Variants in CMTM8 observed in about 807,000 individuals in gnomAD.
CMTM8 encodes CKLF-like MARVEL transmembrane domain-containing protein 8.
Under a neutral mutation model 18.6 loss-of-function variants are expected in CMTM8, and 12 were observed. That is an observed-to-expected ratio of 0.65 (90% confidence interval 0.41 to 1.05). The LOEUF (loss-of-function observed/expected upper bound fraction) is 1.05. Among genes scored for constraint, CMTM8 ranks in the 50% least tolerant of loss-of-function variants. The pLI is 0.00. For synonymous variants in CMTM8, 87 were observed against 90.6 expected (o/e 0.96, Z 0.23); for missense variants, 217 against 227.2 (o/e 0.95, Z 0.29).
At chr3:32,255,691 T>C (rs112452211) in intron 1 of CMTM8, among the ~76,000 whole-genome samples, 3 of 152,252 alleles carry the variant, frequency 2.0e-5, no homozygotes, top group African/African-American at 4.8e-5. Flanking sequence ...AAGCTATAGA[T>C]CTCAAAATTT....
intron 1 of CMTM8, among the ~76,000 whole-genome samples, chr3:32,321,109 C>G (rs1049323587): frequency 6.6e-6 from 1 of 151,924 alleles, no homozygotes; most frequent in East Asian, 1.9e-4. Context: ...TTTATTTATA[C>G]GACCCATCAA....
At chr3:32,257,449 T>A (rs1217461353) in intron 1 of CMTM8, among the ~76,000 whole-genome samples, 9 of 152,212 alleles carry the variant, frequency 5.9e-5, no homozygotes, top group African/African-American at 2.2e-4. Flanking sequence ...CTGTCTTCAA[T>A]ATCTCCTAAT....
chr3:32,295,455 C>CAAAAAAAAAAAAAAAAAAAAAAAAA (rs1400148634), intron 1 of CMTM8, among the ~76,000 whole-genome samples: 2 of 27,548 alleles, frequency 7.3e-5, no homozygotes, highest in Non-Finnish European at 6.5e-5. Context: ...GACTCCATCT[C>CAAAAAAAAAAAAAAAAAAAAAAAAA]AAAAAAAAAA....
At chr3:32,255,406 T>C (rs918639887) in intron 1 of CMTM8, among the ~76,000 whole-genome samples, 2 of 152,198 alleles carry the variant, frequency 1.3e-5, no homozygotes, top group Non-Finnish European at 2.9e-5. Flanking sequence ...TAAAAAATGA[T>C]TTCTTAGGAA....
chr3:32,251,023 A>G (rs950956916), intron 1 of CMTM8, among the ~76,000 whole-genome samples: 1 of 152,220 alleles, frequency 6.6e-6, no homozygotes, highest in African/African-American at 2.4e-5. Flanking sequence ...AGTTATACAA[A>G]AAAGTTCATA....
rs1697082622 is a variant in CMTM8 at position 32,368,301 on chromosome 3, G to C, written c.438+313G>C. ...GCCTATAATTTAGTAAGTGGGGGAAGGTTGCAGAAAATGAACAGAATATAA... is the reference window on the plus strand; with the variant it reads ...GCCTATAATTTAGTAAGTGGGGGAACGTTGCAGAAAATGAACAGAATATAA... On this transcript the variant is annotated intron_variant, in intron 3 of 3. Transcript: ENST00000307526. Among the ~76,000 whole-genome samples the C allele has an allele frequency of 2.6e-5, 4 of 152,046 alleles. 1 individual carries two copies. In the South Asian group the frequency reaches 8.3e-4, roughly 32 times the overall value.
intron 1 of CMTM8, among the ~76,000 whole-genome samples, chr3:32,246,267 T>C (rs1421220568): frequency 1.3e-5 from 2 of 152,178 alleles, no homozygotes; most frequent in Non-Finnish European, 2.9e-5. Context: ...GATGTCCCAC[T>C]GGCCGCATCT....
rs970577306 is a variant in CMTM8, at chr3:32,357,633, C to T, written c.321+87C>T. On this transcript the variant is annotated intron_variant, in intron 2 of 3. Coordinates refer to ENST00000307526, the MANE Select transcript of CMTM8 (RefSeq NM_178868.5). ...TACTAGTCAATCCAAGACTGTCTCT[C>T]TGCCCAGAAAAGGTGGGGCCATACC... 6.6e-6 allele frequency: 9 copies of T among 1,361,296 alleles called. No homozygotes were observed. The Admixed American group carries it at 1.8e-4, about 27-fold the overall frequency. 84.3% of individuals were successfully genotyped at this position (1,361,296 alleles called of 1,614,324 possible). A position where few individuals can be genotyped will look rare whatever the true frequency, so the allele number is the denominator to read the frequency against.
Position 32,357,516 on chromosome 3 carries a change from C to G in CMTM8, c.291C>G (p.Thr97=). The G allele has an allele frequency of 6.2e-7, 1 of 1,614,110 alleles. No homozygotes were observed. The highest frequency in any genetic ancestry group is 8.5e-7 in the Non-Finnish European group (1 of 1,180,010). The change falls in exon 2 of 4, where the codon ACC becomes ACG. Residue 97 remains threonine (T), a synonymous_variant. Transcript: ENST00000307526. ...TTATCTACATAACAATGACCTACAC[C>G]AGGATTCCCCAGGTGCCCTGGACAA... The part of the protein sequence containing the change: ...FLIIYITMTY[T]RIPQVPWTTV...
chr3:32,367,767 T>A, intron 2 of CMTM8, 105 bp from the exon 3 acceptor site: 7 of 684,054 alleles, frequency 1.0e-5, no homozygotes, highest in Non-Finnish European at 1.0e-5. Flanking sequence ...AGGTGTCCAC[T>A]TGGGCCCCTC....
At chr3:32,314,684 G>T (rs1695884894) in intron 1 of CMTM8, among the ~76,000 whole-genome samples, 1 of 151,942 alleles carries the variant, frequency 6.6e-6, no homozygotes, top group Non-Finnish European at 1.5e-5. Flanking sequence ...TTACTGTGTG[G>T]GCCAGGCTGG....
intron 1 of CMTM8, among the ~76,000 whole-genome samples, chr3:32,298,077 T>G (rs1455781475): frequency 6.6e-6 from 1 of 150,440 alleles, no homozygotes; most frequent in Non-Finnish European, 1.5e-5. Context: ...TTTTTTTTGG[T>G]TGGGGGTGGG....
Position 32,300,143 on chromosome 3 carries a change from T to G in CMTM8, c.148-57230T>G, listed in dbSNP as rs962596957. 2.6e-5 allele frequency among the ~76,000 whole-genome samples: 4 copies of G among 152,194 alleles called. No homozygotes were observed. The South Asian group carries it at 8.3e-4, about 32-fold the overall frequency. On this transcript the variant is annotated intron_variant, in intron 1 of 3. Transcript: ENST00000307526. Reference sequence around the variant, plus strand: ...AAGCTATCCATTTTTATGCTTCAGTTTGATGATGAATGGATAGCTGTGTGG... The same window carrying G: ...AAGCTATCCATTTTTATGCTTCAGTGTGATGATGAATGGATAGCTGTGTGG...
At position 32,302,294 on chromosome 3, in the gene CMTM8, A is replaced by G. The variant is rs535533070; in HGVS notation, c.148-55079A>G. ...GCCTGGGTGACAAAGACCTTGTCTC[A>G]GAAACAAAACAAAATACCCCCACAA... On this transcript the variant is annotated intron_variant, in intron 1 of 3. Transcript: ENST00000307526. Among the ~76,000 whole-genome samples, 60 of 152,328 alleles carry G rather than the reference A, an allele frequency of 3.9e-4. No individual in the cohort carries two copies. In the South Asian group the frequency reaches 9.1e-3, roughly 23 times the overall value.
chr3:32,354,080 G>A (rs545395182), intron 1 of CMTM8, among the ~76,000 whole-genome samples: 112 of 151,814 alleles, frequency 7.4e-4, no homozygotes, highest in Middle Eastern at 3.4e-3. Flanking sequence ...CACCATGCCC[G>A]GCTCACTGTG....
intron 1 of CMTM8, among the ~76,000 whole-genome samples, chr3:32,253,271 T>G (rs1702137391): frequency 6.6e-6 from 1 of 152,126 alleles, no homozygotes; most frequent in African/African-American, 2.4e-5. Context: ...TTTGCTATAT[T>G]CCATTTTGTC....
At chr3:32,299,198 G>A (rs906942700) in intron 1 of CMTM8, among the ~76,000 whole-genome samples, 2 of 151,992 alleles carry the variant, frequency 1.3e-5, no homozygotes, top group African/African-American at 4.8e-5. Flanking sequence ...AGTGTAAGGT[G>A]AGAAAATTTC....
chr3:32,244,470 G>A (rs1701985188), intron 1 of CMTM8, among the ~76,000 whole-genome samples: 1 of 152,240 alleles, frequency 6.6e-6, no homozygotes, highest in South Asian at 2.1e-4. Context: ...GCAGGCATGA[G>A]CCGTTGCGGC....
intron 2 of CMTM8, among the ~76,000 whole-genome samples, chr3:32,365,739 A>G (rs1175058436): frequency 1.3e-5 from 2 of 152,090 alleles, no homozygotes; most frequent in Non-Finnish European, 2.9e-5. Flanking sequence ...GAGCCACTGC[A>G]CCCAGCGGAA....
Sources: gnomAD v4.1 joint callset for allele counts (sites outside exome capture counted in the v4.1 genomes callset) on GRCh38, gnomAD v4.1.1 for gene constraint, MANE v1.5 for transcripts, NCBI Gene and HGNC (gene_info 2026-07-23, HGNC 2026-07-21) for gene names.